MORN5: variants seen among roughly 807,000 people sequenced by gnomAD.
The protein encoded by MORN5 is MORN repeat containing 5.
A neutral mutation model predicts 22.1 loss-of-function variants in MORN5; 21 were observed. The observed-to-expected ratio is 0.95, with a 90% CI of 0.67 to 1.37. MORN5 has a LOEUF of 1.37. MORN5 is among the 40% of genes most tolerant of loss of function. MORN5 has a pLI of 0.00. For missense variants in MORN5, 211 were observed against 215.1 expected, an observed-to-expected ratio of 0.98 and a Z score of 0.12; for synonymous variants, 73 against 74.0, an observed-to-expected ratio of 0.99 and a Z score of 0.07.
At chr9:122,191,011 AC>A (rs1455611937) in intron 4 of MORN5, among the ~76,000 whole-genome samples, 1 of 151,708 alleles carries the variant, frequency 6.6e-6, no homozygotes, top group Non-Finnish European at 1.5e-5. Flanking sequence ...ATGGGCCTAG[AC>A]CCCCCCAAAA....
Position 122,174,851 on chromosome 9 carries a change from G to A in MORN5, c.439+224G>A, listed in dbSNP as rs1017443836. 15 of 1,361,932 alleles carry A rather than the reference G, an allele frequency of 1.1e-5. No homozygotes were observed. The African/African-American group carries it at 1.5e-4, about 13-fold the overall frequency. The allele number at this position is 1,361,932 out of a possible 1,614,324, so 84.4% of individuals were successfully genotyped here. A position where few individuals can be genotyped will look rare whatever the true frequency, so the allele number is the denominator to read the frequency against. ...AGCACATTCGTGGTCTAGCAGTGAC[G>A]GCACATAAATGTCGCACTGAAAGGA... is the stretch of plus-strand genomic sequence containing the variant. On this transcript the variant is annotated intron_variant, in intron 4 of 4. Transcript: ENST00000373764.
chr9:122,160,435 T>C (rs1324441479), intron 1 of MORN5, among the ~76,000 whole-genome samples: 2 of 152,218 alleles, frequency 1.3e-5, no homozygotes, highest in African/African-American at 4.8e-5. Flanking sequence ...GGTCGCTTCC[T>C]TCCAGGAGGA....
intron 3 of MORN5, among the ~76,000 whole-genome samples, chr9:122,171,133 G>C (rs1244654698): frequency 1.3e-5 from 2 of 152,174 alleles, no homozygotes; most frequent in Admixed American, 6.5e-5. Context: ...GTGGTTGACA[G>C]AGCATAGAGC....
At chr9:122,193,116 C>T (rs929235985) in intron 4 of MORN5, among the ~76,000 whole-genome samples, 6 of 152,118 alleles carry the variant, frequency 3.9e-5, no homozygotes, top group Admixed American at 3.9e-4. Context: ...AGTATGAAGC[C>T]CAGCCCACAC....
chr9:122,164,201 G>A (rs1203291809), intron 1 of MORN5, among the ~76,000 whole-genome samples: 1 of 117,394 alleles, frequency 8.5e-6, no homozygotes, highest in African/African-American at 3.4e-5. Flanking sequence ...AAGAGAAGGA[G>A]GGAGAAAGGA....
At chr9:122,199,155 T>TA (rs879656816) in intron 4 of MORN5, among the ~76,000 whole-genome samples, 111 of 152,258 alleles carry the variant, frequency 7.3e-4, no homozygotes, top group African/African-American at 2.5e-3. Context: ...ATTTGAGGTT[T>TA]AAAAAACAGC....
chr9:122,185,404 T>G (rs1209389398), intron 4 of MORN5, among the ~76,000 whole-genome samples: 1 of 151,522 alleles, frequency 6.6e-6, no homozygotes, highest in Non-Finnish European at 1.5e-5. Context: ...TTTTTTTGTA[T>G]TTTTAGTAGA....
chr9:122,165,706 G>T (rs938001288), intron 1 of MORN5, among the ~76,000 whole-genome samples: 1 of 152,144 alleles, frequency 6.6e-6, no homozygotes, highest in Non-Finnish European at 1.5e-5. Context: ...ACTCAATTTT[G>T]TCCCCCACTA....
chr9:122,163,987 C>A (rs775081289), intron 1 of MORN5, among the ~76,000 whole-genome samples: 1 of 152,102 alleles, frequency 6.6e-6, no homozygotes, highest in Non-Finnish European at 1.5e-5. Flanking sequence ...CGGACTCAAG[C>A]GATCCTCCCA....
intron 4 of MORN5, among the ~76,000 whole-genome samples, chr9:122,182,442 G>C (rs1829550042): frequency 6.6e-6 from 1 of 152,210 alleles, no homozygotes; most frequent in Non-Finnish European, 1.5e-5. Context: ...GCTAGGCTCT[G>C]TGCCAAGCAC....
intron 4 of MORN5, among the ~76,000 whole-genome samples, chr9:122,196,645 T>C (rs892789487): frequency 6.6e-6 from 1 of 152,218 alleles, no homozygotes; most frequent in African/African-American, 2.4e-5. Context: ...CCAATAATTA[T>C]TTTAATTATT....
intron 4 of MORN5, chr9:122,175,619 C>CACAT (rs891602868): frequency 1.0e-6 from 1 of 977,022 alleles, no homozygotes; most frequent in Non-Finnish European, 1.2e-6. Context: ...CACATGCATA[C>CACAT]ACACACACAT....
intron 1 of MORN5, chr9:122,164,478 A>G (rs1308041204): frequency 1.4e-6 from 1 of 739,204 alleles, no homozygotes; most frequent in Non-Finnish European, 1.7e-6. Context: ...GAGATGGCTT[A>G]CAGCCCCAGC....
At chr9:122,165,896 G>C (rs1829268876) in intron 1 of MORN5, among the ~76,000 whole-genome samples, 1 of 152,146 alleles carries the variant, frequency 6.6e-6, no homozygotes, top group South Asian at 2.1e-4. Context: ...AAAGAGGTTT[G>C]GGAAAGTATC....
chr9:122,197,729 G>A lies in MORN5; in HGVS notation c.440-2156G>A, dbSNP rs1271975240. Among the ~76,000 whole-genome samples the A allele has an allele frequency of 6.6e-6, 1 of 152,234 alleles. No individual in the cohort carries two copies. On this transcript the variant is annotated intron_variant, in intron 4 of 4. Coordinates refer to ENST00000373764, the MANE Select transcript of MORN5 (RefSeq NM_198469.4). The surrounding 1 kb of genome is among the most constrained non-coding windows in gnomAD (Gnocchi z 5.7). ...TTGTCTGGTTTCAGGGGTTACTGCT[G>A]AAGAGGTTGCAGCTGCACTGATTCG...
intron 4 of MORN5, among the ~76,000 whole-genome samples, chr9:122,189,093 G>A (rs1009993648): frequency 1.3e-5 from 2 of 152,102 alleles, no homozygotes; most frequent in African/African-American, 4.8e-5. Context: ...TACTTGGGAG[G>A]CTGAGACAGG....
intron 4 of MORN5, among the ~76,000 whole-genome samples, chr9:122,198,043 C>T (rs767488718): frequency 2.0e-5 from 3 of 152,198 alleles, no homozygotes; most frequent in Non-Finnish European, 2.9e-5. Flanking sequence ...CAGCTCCTGG[C>T]GTGCTCACAT....
intron 2 of MORN5, 60 bp downstream of exon 2, chr9:122,166,975 C>A: frequency 6.6e-7 from 1 of 1,504,722 alleles, no homozygotes; most frequent in Non-Finnish European, 9.0e-7. Context: ...AAGAGCCTCA[C>A]CCTCTGGCAC....
At chr9:122,193,888 G>A (rs140645863) in intron 4 of MORN5, among the ~76,000 whole-genome samples, 2 of 152,334 alleles carry the variant, frequency 1.3e-5, no homozygotes, top group South Asian at 2.1e-4. Context: ...AAGCGGGGAG[G>A]GAAGCAGGCC....
Sources: gnomAD v4.1 joint callset for allele counts (sites outside exome capture counted in the v4.1 genomes callset) on GRCh38, gnomAD v4.1.1 for gene constraint, Gnocchi (gnomAD v3.1) non-coding constraint, MANE v1.5 for transcripts, NCBI Gene and HGNC (gene_info 2026-07-23, HGNC 2026-07-21) for gene names.